The following TRPM3 variants were observed in gnomAD, a reference collection of about 807,000 sequenced individuals.
TRPM3 encodes the protein long transient receptor potential channel 3.
In TRPM3, 77 loss-of-function variants were observed where a neutral mutation model predicts 181.2. The ratio of observed to expected loss-of-function variants is 0.42; its 90% CI spans 0.35 to 0.51. The LOEUF (loss-of-function observed/expected upper bound fraction) is 0.51. TRPM3 is among the 20% of genes least tolerant of loss of function. TRPM3 has a pLI of 0.01. For missense variants in TRPM3, 1,759 were observed against 2,196.7 expected (o/e 0.80, Z 3.98); for synonymous variants, 745 against 796.4 (o/e 0.94, Z 1.09).
Position 71,121,236 on chromosome 9 carries a change from T to C in TRPM3, c.119A>G (p.Asn40Ser). ...GTGGCACAGCTTCCGGATGGTCCAG[T>C]TTAGGGGTCGAGGAGCATCAGCCTG... is the stretch of plus-strand genomic sequence containing the variant. ...MNQADAPRPL[N>S]WTIRKLCHAA... The change falls in exon 1 of 26, where the codon AAC becomes AGC. Residue 40 changes from asparagine to serine, a missense_variant. By Grantham distance (46) the Asn-to-Ser change is conservative (BLOSUM62 1). Around this residue, in one of 8 missense-constraint regions of TRPM3, gnomAD observed 737 missense variants for 957.4 expected, o/e 0.77. Transcript: ENST00000677713. The C allele has an allele frequency of 6.2e-7, 1 of 1,614,058 alleles. No homozygotes were observed. The highest frequency in any genetic ancestry group is 8.5e-7 in the Non-Finnish European group (1 of 1,179,976).
At chr9:71,200,730 A>G (rs1224496650) in intron 1 of TRPM3, among the ~76,000 whole-genome samples, 3 of 152,132 alleles carry the variant, frequency 2.0e-5, no homozygotes, top group Admixed American at 6.5e-5. Context: ...TGCTTGGTAG[A>G]TCTTCCTCCA....
intron 1 of TRPM3, among the ~76,000 whole-genome samples, chr9:71,264,597 A>G (rs1182020763): frequency 6.6e-6 from 1 of 152,168 alleles, no homozygotes; most frequent in Non-Finnish European, 1.5e-5. Context: ...CTTTAAACAC[A>G]TACATTTATT....
At chr9:71,279,036 A>AAAAAAG (rs2084459358) in intron 1 of TRPM3, among the ~76,000 whole-genome samples, 2 of 81,378 alleles carry the variant, frequency 2.5e-5, no homozygotes, top group Non-Finnish European at 2.6e-5. Context: ...TGCTTAGGTT[A>AAAAAAG]AAAAAAATAA....
intron 22 of TRPM3, 56 bp downstream of exon 22, chr9:70,590,975 A>G (rs2058021018): frequency 1.2e-6 from 2 of 1,609,670 alleles, no homozygotes; most frequent in East Asian, 2.2e-5. Context: ...AAAAGACATA[A>G]CCGAATTGAA....
intron 1 of TRPM3, among the ~76,000 whole-genome samples, chr9:71,366,792 C>T (rs1325214666): frequency 6.6e-6 from 1 of 152,046 alleles, no homozygotes; most frequent in Non-Finnish European, 1.5e-5. Flanking sequence ...TTACTCATTA[C>T]TATTAGAGAT....
intron 1 of TRPM3, among the ~76,000 whole-genome samples, chr9:71,038,155 G>C (rs1181716999): frequency 6.6e-6 from 1 of 152,166 alleles, no homozygotes; most frequent in Non-Finnish European, 1.5e-5. Flanking sequence ...GGACTGCTTT[G>C]CACTTTAGAG....
intron 3 of TRPM3, 55 bp from the exon 4 acceptor site, chr9:70,846,646 G>C: frequency 6.9e-7 from 1 of 1,441,428 alleles, no homozygotes; most frequent in East Asian, 2.3e-5. Context: ...GCTGAGGCTG[G>C]TTATCTTTAC....
rs747544684 is a variant in TRPM3, at chr9:70,956,961, C to CTTTT, written c.178-92454_178-92451dup. Among the ~76,000 whole-genome samples the CTTTT allele has an allele frequency of 3.4e-3, 473 of 137,392 alleles. 5 individuals are homozygous for CTTTT. Among genetic ancestry groups the CTTTT allele is most frequent in the South Asian group, 7.2e-3 (32 of 4,428 alleles). The allele number at this position is 137,392 out of a possible 152,430, so 90.1% of individuals were successfully genotyped here. Reference sequence around the variant, plus strand: ...TAATTTTAGTTACATTTCTTTCTTTCTTTTTTTTTTTTTTTTTGATACCAA... The same window carrying CTTTT: ...TAATTTTAGTTACATTTCTTTCTTTCTTTTTTTTTTTTTTTTTTTTTGATACCAA... On this transcript the variant is annotated intron_variant, in intron 1 of 25. Transcript: ENST00000677713.
intron 9 of TRPM3, among the ~76,000 whole-genome samples, chr9:70,651,120 G>A (rs1003445668): frequency 1.3e-5 from 2 of 152,034 alleles, no homozygotes; most frequent in Admixed American, 6.6e-5. Context: ...ACCAACGTTC[G>A]GGTTATATAG....
chr9:70,832,079 G>T (rs2093971301), intron 5 of TRPM3, among the ~76,000 whole-genome samples: 1 of 134,482 alleles, frequency 7.4e-6, no homozygotes, highest in South Asian at 2.5e-4. Flanking sequence ...ACTCATAGGT[G>T]GGAATTGAAC....
At chr9:71,193,373 A>G (rs1208193167) in intron 1 of TRPM3, among the ~76,000 whole-genome samples, 21 of 151,794 alleles carry the variant, frequency 1.4e-4, no homozygotes, top group Admixed American at 1.4e-3. Flanking sequence ...TCCTCTTTTC[A>G]TAATTCTCAT....
Position 70,536,071 on chromosome 9 carries a change from A to G in TRPM3, c.5042T>C (p.Leu1681Pro). ...CTTGCTTCTCTGGAAGGGATTTCGC[A>G]GGCTTGCTGTGTTCCGCTGCCTGTC... ...KLDRQRNTASLRNPFQRSKSS... is the reference protein window; with the variant it reads ...KLDRQRNTASPRNPFQRSKSS... The change falls in exon 26 of 26, where the codon CTG (leucine) becomes CCG (proline). Residue 1681 changes from leucine to proline, a missense_variant. By Grantham distance (98) the Leu-to-Pro change is moderately conservative. Around this residue, in one of 8 missense-constraint regions of TRPM3, gnomAD observed 612 missense variants for 590.0 expected, o/e 1.04. Coordinates refer to ENST00000677713, the MANE Select transcript of TRPM3 (RefSeq NM_001366145.2). 1.2e-6 allele frequency: 2 copies of G among 1,614,144 alleles called. No homozygotes were observed. The highest frequency in any genetic ancestry group is 1.7e-6 in the Non-Finnish European group (2 of 1,180,016).
chr9:70,694,173 T>C (rs1293251799), intron 8 of TRPM3, among the ~76,000 whole-genome samples: 1 of 152,232 alleles, frequency 6.6e-6, no homozygotes, highest in South Asian at 2.1e-4. Flanking sequence ...TTTAGTTTCC[T>C]GGGTTTTTTT....
intron 1 of TRPM3, among the ~76,000 whole-genome samples, chr9:71,286,458 A>C (rs2085285277): frequency 6.6e-6 from 1 of 152,138 alleles, no homozygotes; most frequent in Non-Finnish European, 1.5e-5. Flanking sequence ...TAATACATTA[A>C]TTCTTTAATA....
intron 7 of TRPM3, chr9:70,776,461 C>G (rs1300498028): frequency 2.8e-6 from 2 of 709,026 alleles, no homozygotes; most frequent in African/African-American, 1.8e-5. Flanking sequence ...TTTTCTTTCT[C>G]TTTTTAGATT....
intron 5 of TRPM3, among the ~76,000 whole-genome samples, chr9:70,833,196 G>A (rs2094069199): frequency 6.6e-6 from 1 of 152,160 alleles, no homozygotes; most frequent in Non-Finnish European, 1.5e-5. Flanking sequence ...GTTCTTTCAT[G>A]TCCTGTGGTC....
intron 1 of TRPM3, among the ~76,000 whole-genome samples, chr9:71,252,786 C>T (rs1038701736): frequency 1.3e-5 from 2 of 151,798 alleles, no homozygotes; most frequent in African/African-American, 4.8e-5. Flanking sequence ...CAATCTCCCT[C>T]CTCAGCCTCC....
intron 1 of TRPM3, among the ~76,000 whole-genome samples, chr9:71,333,741 G>A (rs748896457): frequency 4.0e-5 from 6 of 151,838 alleles, no homozygotes; most frequent in Non-Finnish European, 8.8e-5. Flanking sequence ...GCTACACCTG[G>A]ATTCCTTATG....
intron 1 of TRPM3, among the ~76,000 whole-genome samples, chr9:71,209,367 G>A (rs1191962614): frequency 1.3e-5 from 1 of 75,098 alleles, no homozygotes; most frequent in Admixed American, 1.5e-4. Context: ...ATGAGGGGGT[G>A]GGGGGAGAAG....
Sources: allele counts gnomAD v4.1 joint callset (sites outside exome capture counted in the v4.1 genomes callset), GRCh38; gene constraint gnomAD v4.1.1; regional missense constraint gnomAD v4.1.1; transcripts MANE v1.5; gene names NCBI Gene and HGNC (gene_info 2026-07-23, HGNC 2026-07-21).